Variants in TENM2 observed in about 807,000 individuals in gnomAD.
The protein encoded by TENM2 is teneurin transmembrane protein 2.
TENM2 carries 52 observed loss-of-function variants against 245.2 expected under a neutral mutation model. The observed-to-expected ratio is 0.21, with a 90% CI of 0.17 to 0.27. The LOEUF (loss-of-function observed/expected upper bound fraction) is 0.27. TENM2 is among the 10% of genes least tolerant of loss of function. TENM2 has a pLI of 1.00. For synonymous variants in TENM2, 1,363 were observed against 1,438.9 expected, an observed-to-expected ratio of 0.95 and a Z score of 1.19; for missense variants, 3,046 against 3,666.8, an observed-to-expected ratio of 0.83 and a Z score of 4.37.
intron 11 of TENM2, 40 bp from the exon 14 acceptor site, chr5:168,126,714 C>T (rs754650535): frequency 1.3e-6 from 2 of 1,541,866 alleles, no homozygotes; most frequent in Non-Finnish European, 1.8e-6. Flanking sequence ...AAGGTTTCAC[C>T]AGCTGTGGTG....
Position 168,247,464 on chromosome 5 carries a change from G to A in TENM2, c.6525G>A (p.Met2175Ile). Residue 2175 changes from methionine to isoleucine, a missense_variant, in exon 27 of 29, where the codon ATG becomes ATA. Physicochemically the swap from Met to Ile is conservative, Grantham distance 10. This residue lies in a region of TENM2 where 2,704 missense variants were observed against 3,331.9 expected (regional missense o/e 0.81). Transcript: ENST00000518659. The surrounding 1 kb of genome is among the most constrained non-coding windows in gnomAD (Gnocchi z 7.8). ...TGTTCCGGTCCCTCATGTACTGGATGACGGTGCAATATGACAGCATGGGCA... is the reference window on the plus strand; with the variant it reads ...TGTTCCGGTCCCTCATGTACTGGATAACGGTGCAATATGACAGCATGGGCA... 1.2e-6 allele frequency: 2 copies of A among 1,612,958 alleles called. No individual in the cohort carries two copies. The highest frequency in any genetic ancestry group is 1.7e-6 in the Non-Finnish European group (2 of 1,179,102).
the TENM2 span, among the ~76,000 whole-genome samples, chr5:167,030,543 A>G: frequency 6.6e-6 from 1 of 152,070 alleles, no homozygotes; most frequent in Non-Finnish European, 1.5e-5. Context: ...TTGGCGCGTG[A>G]CCTGTGCCCC....
rs368135297 is a variant in TENM2, at chr5:167,867,015, A to T, written c.503-8971A>T. 2.6e-5 allele frequency among the ~76,000 whole-genome samples: 4 copies of T among 152,252 alleles called. No individual in the cohort carries two copies. The East Asian group carries it at 5.8e-4, about 22-fold the overall frequency. On this transcript the variant is annotated intron_variant, in intron 2 of 28. Coordinates refer to ENST00000518659, the Ensembl canonical transcript of TENM2. Reference sequence around the variant, plus strand: ...CTGGACAGCGTCAATCTGGACAACTACACATGACCAACATAATGTTTTTCC... The same window carrying T: ...CTGGACAGCGTCAATCTGGACAACTTCACATGACCAACATAATGTTTTTCC...
the TENM2 span, among the ~76,000 whole-genome samples, chr5:167,064,660 C>T: frequency 2.0e-5 from 3 of 152,272 alleles, no homozygotes; most frequent in African/African-American, 7.2e-5. Context: ...TGGCTCAGTT[C>T]TTAATAGGAT....
At chr5:168,083,996 C>T (rs369074136) in intron 7 of TENM2, among the ~76,000 whole-genome samples, 26 of 152,296 alleles carry the variant, frequency 1.7e-4, no homozygotes, top group African/African-American at 6.3e-4. Flanking sequence ...TTAGCTCCCA[C>T]TTATAAGTGA....
At chr5:167,858,859 C>T (rs1771351285) in intron 2 of TENM2, among the ~76,000 whole-genome samples, 1 of 140,364 alleles carries the variant, frequency 7.1e-6, no homozygotes, top group African/African-American at 2.6e-5. Context: ...CCCCGCGGGG[C>T]CCGAGGGCAA....
chr5:167,202,094 GAC>G, the TENM2 span, among the ~76,000 whole-genome samples: 1 of 152,192 alleles, frequency 6.6e-6, no homozygotes, highest in Admixed American at 6.5e-5. Flanking sequence ...AGCAGTTCAA[GAC>G]ACAGATTTTA....
exon 25 of TENM2, chr5:168,228,041 C>T: frequency 2.5e-6 from 4 of 1,613,862 alleles, no homozygotes; most frequent in Non-Finnish European, 3.4e-6. Flanking sequence ...CATCTCCCTG[C>T]CTATGGAGAA....
intron 2 of TENM2, among the ~76,000 whole-genome samples, chr5:167,409,315 C>G (rs1762790079): frequency 6.6e-6 from 1 of 151,848 alleles, no homozygotes; most frequent in Non-Finnish European, 1.5e-5. Context: ...GCTTTTAGCA[C>G]TCAAGAAAAT....
chr5:167,586,796 T>C (rs1285847268), intron 2 of TENM2, among the ~76,000 whole-genome samples: 1 of 152,202 alleles, frequency 6.6e-6, no homozygotes, highest in Non-Finnish European at 1.5e-5. Flanking sequence ...TAATAATCAA[T>C]ACCAGAGTAA....
intron 9 of TENM2, among the ~76,000 whole-genome samples, chr5:168,100,834 T>C (rs145057449): frequency 2.0e-5 from 3 of 151,206 alleles, no homozygotes; most frequent in Non-Finnish European, 4.4e-5. Flanking sequence ...GCAAACCAGA[T>C]GACAGGTTGA....
At chr5:167,722,031 T>C (rs754938806) in intron 2 of TENM2, among the ~76,000 whole-genome samples, 1 of 152,164 alleles carries the variant, frequency 6.6e-6, no homozygotes, top group African/African-American at 2.4e-5. Flanking sequence ...AGATGCTGAG[T>C]AGGCTCTGTC....
chr5:166,998,704 T>C, the TENM2 span, among the ~76,000 whole-genome samples: 1 of 152,164 alleles, frequency 6.6e-6, no homozygotes, highest in Non-Finnish European at 1.5e-5. Context: ...GGGACTTGTT[T>C]GGGTCTTGAT....
At chr5:167,262,407 C>A in the TENM2 span, among the ~76,000 whole-genome samples, 1 of 119,874 alleles carries the variant, frequency 8.3e-6, no homozygotes, top group Admixed American at 9.5e-5. Flanking sequence ...TTTGGGGGGG[C>A]GGTGCACAAT....
At chr5:167,794,398 C>G (rs1765183303) in intron 2 of TENM2, among the ~76,000 whole-genome samples, 1 of 152,206 alleles carries the variant, frequency 6.6e-6, no homozygotes, top group East Asian at 1.9e-4. Context: ...GTCACGTCAT[C>G]AGTAGCAATT....
intron 1 of TENM2, among the ~76,000 whole-genome samples, chr5:167,351,095 G>A (rs571086191): frequency 7.4e-5 from 6 of 81,336 alleles, no homozygotes; most frequent in South Asian, 9.8e-4. Flanking sequence ...TATACATATG[G>A]ATATATATAT....
At chr5:167,391,175 A>AT (rs1312279812) in intron 2 of TENM2, among the ~76,000 whole-genome samples, 3 of 151,922 alleles carry the variant, frequency 2.0e-5, no homozygotes, top group Non-Finnish European at 4.4e-5. Context: ...CTCCTTTGAA[A>AT]TTTTTTTTAA....
chr5:167,148,856 G>A, the TENM2 span, among the ~76,000 whole-genome samples: 2 of 152,120 alleles, frequency 1.3e-5, no homozygotes. Context: ...TGTGTGATTT[G>A]AATGAATAAA....
intron 2 of TENM2, among the ~76,000 whole-genome samples, chr5:167,587,314 T>G (rs1041117233): frequency 2.0e-5 from 3 of 152,222 alleles, no homozygotes; most frequent in African/African-American, 4.8e-5. Flanking sequence ...ATTTTCAATA[T>G]TAGCCTTTCA....
Sources: gnomAD v4.1 joint callset for allele counts (sites outside exome capture counted in the v4.1 genomes callset) on GRCh38, gnomAD v4.1.1 for gene constraint, gnomAD v4.1.1 regional missense constraint, Gnocchi (gnomAD v3.1) non-coding constraint, MANE v1.5 for transcripts, NCBI Gene and HGNC (gene_info 2026-07-23, HGNC 2026-07-21) for gene names.